The following LRFN2 variants were observed in gnomAD, a reference collection of about 807,000 sequenced individuals.
The protein encoded by LRFN2 is leucine rich repeat and fibronectin type III domain containing 2, also known as leucine-rich repeat and fibronectin type-III domain-containing protein 2.
A neutral mutation model predicts 37.3 loss-of-function variants in LRFN2; 18 were observed. That is an observed-to-expected ratio of 0.48 (90% CI 0.33 to 0.72). LRFN2 has a LOEUF of 0.72. Ranked by LOEUF, LRFN2 falls within the 30% of genes least tolerant of loss-of-function variation. The pLI, the probability that LRFN2 is intolerant of heterozygous loss-of-function variation, is 0.02. For synonymous variants in LRFN2, 556 were observed against 466.6 expected (o/e 1.19, Z -2.47); for missense variants, 1,006 against 1,060.7 (o/e 0.95, Z 0.72).
chr6:40,487,485 T>C (rs372641272), intron 1 of LRFN2, among the ~76,000 whole-genome samples: 2 of 152,302 alleles, frequency 1.3e-5, no homozygotes, highest in African/African-American at 4.8e-5. Flanking sequence ...TCTCACTAAA[T>C]GGCAACTCCA....
At chr6:40,571,183 G>T (rs1767180497) in intron 1 of LRFN2, among the ~76,000 whole-genome samples, 1 of 152,222 alleles carries the variant, frequency 6.6e-6, no homozygotes, top group African/African-American at 2.4e-5. Context: ...GGAGACCCTT[G>T]AAGGCAGAAA....
chr6:40,467,664 A>C (rs910583354), intron 1 of LRFN2, among the ~76,000 whole-genome samples: 3 of 152,208 alleles, frequency 2.0e-5, no homozygotes, highest in Non-Finnish European at 4.4e-5. Context: ...GGCAGGAGAC[A>C]GGAAACCAGC....
chr6:40,421,531 T>C (rs1763228966), intron 2 of LRFN2, among the ~76,000 whole-genome samples: 1 of 152,312 alleles, frequency 6.6e-6, no homozygotes. Context: ...AAAAGGAGTG[T>C]CTGGGTAACA....
In LRFN2 at chr6:40,487,016, C is replaced by T. The variant is rs554101496; in HGVS notation, c.-18-53885G>A. 2.2e-4 allele frequency among the ~76,000 whole-genome samples: 33 copies of T among 152,152 alleles called. No homozygotes were observed. The South Asian group carries it at 6.2e-3, about 29-fold the overall frequency. On this transcript the variant is annotated intron_variant, in intron 1 of 2. Transcript: ENST00000338305. ...TGGTTCAGAGGGGCAGAGTAAATTG[C>T]CCAGTGTCACATACCTGGGAGGGGA...
At chr6:40,437,075 A>C (rs1763698014) in intron 1 of LRFN2, among the ~76,000 whole-genome samples, 1 of 152,124 alleles carries the variant, frequency 6.6e-6, no homozygotes, top group Non-Finnish European at 1.5e-5. Context: ...AGCTCTTATC[A>C]GTAAATGCAT....
chr6:40,434,610 G>T (rs2113827555), intron 1 of LRFN2, among the ~76,000 whole-genome samples: 1 of 151,658 alleles, frequency 6.6e-6, no homozygotes, highest in Non-Finnish European at 1.5e-5. Context: ...CCAAATAGCT[G>T]GGACTACAGG....
chr6:40,547,229 C>T (rs1469469394), intron 1 of LRFN2, among the ~76,000 whole-genome samples: 1 of 151,858 alleles, frequency 6.6e-6, no homozygotes, highest in Non-Finnish European at 1.5e-5. Context: ...CTCAGCCTCC[C>T]GAGTAGCTGG....
intron 1 of LRFN2, among the ~76,000 whole-genome samples, chr6:40,442,019 C>G (rs1018603616): frequency 1.3e-5 from 2 of 152,184 alleles, no homozygotes; most frequent in Admixed American, 6.5e-5. Context: ...ACTTCCCCAG[C>G]AGATCCAAGT....
intron 1 of LRFN2, among the ~76,000 whole-genome samples, chr6:40,467,695 C>A (rs979478173): frequency 2.6e-5 from 4 of 152,170 alleles, no homozygotes; most frequent in Non-Finnish European, 5.9e-5. Flanking sequence ...TTGACAGAGA[C>A]CTAGCCTCGG....
At chr6:40,565,614 G>GACAAAA (rs1433226076) in intron 1 of LRFN2, among the ~76,000 whole-genome samples, 1 of 152,100 alleles carries the variant, frequency 6.6e-6, no homozygotes, top group Non-Finnish European at 1.5e-5. Flanking sequence ...TGACAAACCT[G>GACAAAA]ACAAAAACAA....
At chr6:40,399,426 C>CTTTT (rs61458320) in intron 2 of LRFN2, among the ~76,000 whole-genome samples, 5 of 134,394 alleles carry the variant, frequency 3.7e-5, no homozygotes, top group Admixed American at 8.1e-5. Flanking sequence ...TTTTTCTTTT[C>CTTTT]TTTTTTTTTT....
At chr6:40,480,497 C>T (rs548652372) in intron 1 of LRFN2, among the ~76,000 whole-genome samples, 6 of 152,078 alleles carry the variant, frequency 3.9e-5, no homozygotes, top group East Asian at 1.9e-4. Context: ...AGGCTGGTCA[C>T]GACCTCCTGG....
intron 1 of LRFN2, among the ~76,000 whole-genome samples, chr6:40,441,043 T>G (rs1763823868): frequency 6.6e-6 from 1 of 152,176 alleles, no homozygotes; most frequent in South Asian, 2.1e-4. Flanking sequence ...AAATAAAAAA[T>G]GATCTAAAAA....
At position 40,528,660 on chromosome 6, in the gene LRFN2, G is replaced by C. The variant is rs189446798; in HGVS notation, c.-19+58281C>G. ...TTTACAATACTTTCAACTTACGATGGGTTTAGGTTTTTCTGGACATCACTA... is the reference window on the plus strand; with the variant it reads ...TTTACAATACTTTCAACTTACGATGCGTTTAGGTTTTTCTGGACATCACTA... On this transcript the variant is annotated intron_variant, in intron 1 of 2. Transcript: ENST00000338305. 4.6e-5 allele frequency among the ~76,000 whole-genome samples: 7 copies of C among 152,232 alleles called. No individual in the cohort carries two copies. The East Asian group carries it at 1.2e-3, about 25-fold the overall frequency.
intron 1 of LRFN2, among the ~76,000 whole-genome samples, chr6:40,497,125 G>A (rs74897567): frequency 0.012 from 1,852 of 152,206 alleles, 51 homozygotes; most frequent in East Asian, 0.099. Flanking sequence ...CCAAAGTGAC[G>A]CCCTTCTGCA....
At chr6:40,409,971 T>C (rs1375922544) in intron 2 of LRFN2, among the ~76,000 whole-genome samples, 1 of 152,140 alleles carries the variant, frequency 6.6e-6, no homozygotes, top group African/African-American at 2.4e-5. Flanking sequence ...CTGGGCTGTG[T>C]TTCTGCTGAT....
chr6:40,420,816 G>A (rs1763211654), intron 2 of LRFN2, among the ~76,000 whole-genome samples: 1 of 152,216 alleles, frequency 6.6e-6, no homozygotes, highest in South Asian at 2.1e-4. Flanking sequence ...CCTGAGACAA[G>A]GATTTGAATA....
At chr6:40,453,513 A>AACACACAC (rs5875719) in intron 1 of LRFN2, among the ~76,000 whole-genome samples, 121 of 119,788 alleles carry the variant, frequency 1.0e-3, no homozygotes, top group Non-Finnish European at 1.1e-3. Flanking sequence ...CCCCAAGCCA[A>AACACACAC]ACACACACAC....
At chr6:40,507,202 T>C (rs2436737) in intron 1 of LRFN2, among the ~76,000 whole-genome samples, 71,104 of 151,994 alleles carry the variant, frequency 0.47, 16,984 homozygotes, top group East Asian at 0.6. Context: ...ATCTGGCACA[T>C]GGTGGGTTCT....
Sources: gnomAD v4.1 joint callset for allele counts (sites outside exome capture counted in the v4.1 genomes callset) on GRCh38, gnomAD v4.1.1 for gene constraint, MANE v1.5 for transcripts, NCBI Gene and HGNC (gene_info 2026-07-23, HGNC 2026-07-21) for gene names.